SETD7: variants seen among roughly 807,000 people sequenced by gnomAD.
SETD7 encodes SET domain containing 7, histone lysine methyltransferase.
In SETD7, 16 loss-of-function variants were observed where a neutral mutation model predicts 41.8. The observed-to-expected ratio is 0.38, with a 90% CI of 0.26 to 0.58. SETD7 has a LOEUF of 0.58. SETD7 is among the 20% of genes least tolerant of loss of function. SETD7 has a pLI of 0.64. For synonymous variants in SETD7, 163 were observed against 169.7 expected, an observed-to-expected ratio of 0.96 and a Z score of 0.31; for missense variants, 346 against 459.7, an observed-to-expected ratio of 0.75 and a Z score of 2.26.
At chr4:139,515,726 G>C (rs746123564) in intron 7 of SETD7, among the ~76,000 whole-genome samples, 1 of 152,184 alleles carries the variant, frequency 6.6e-6, no homozygotes, top group Non-Finnish European at 1.5e-5. Flanking sequence ...AGAGCAAGTC[G>C]TTGCCAGGAA....
Position 139,546,730 on chromosome 4 carries a change from C to A in SETD7, c.170+190G>T, listed in dbSNP as rs946838381. ...GAGACAGTGATGACAAGAGCTAAGC[C>A]TTAGGCTGGCTGTCCCATAACCACA... On this transcript the variant is annotated intron_variant, in intron 2 of 7. Transcript: ENST00000274031. 5.6e-6 allele frequency: 4 copies of A among 713,936 alleles called. No homozygotes were observed. In the Admixed American group the frequency reaches 1.1e-4, roughly 19 times the overall value. The allele number at this position is 713,936 out of a possible 1,614,324, so 44.2% of individuals were successfully genotyped here. A position where few individuals can be genotyped will look rare whatever the true frequency, so the allele number is the denominator to read the frequency against.
In SETD7 at chr4:139,506,740, T is replaced by TTTTG. The variant is rs2111114659; in HGVS notation, c.*4919_*4922dup. 6.6e-6 allele frequency: 1 copy of TTTTG among 152,630 alleles called. No homozygotes were observed. The highest frequency in any genetic ancestry group is 2.4e-5 in the African/African-American group (1 of 41,544). The allele number at this position is 152,630 out of a possible 1,614,324, so 9.5% of individuals were successfully genotyped here. A position where few individuals can be genotyped will look rare whatever the true frequency, so the allele number is the denominator to read the frequency against. On this transcript the variant is annotated 3_prime_UTR_variant, in exon 8 of 8. Transcript: ENST00000274031. ...AAGTTGAATATCATCATAAAGGAGT[T>TTTTG]TTTGTTTGTTTGTTTTTTCAATAAC...
intron 7 of SETD7, among the ~76,000 whole-genome samples, chr4:139,515,824 T>A (rs915099157): frequency 6.6e-6 from 1 of 152,192 alleles, no homozygotes; most frequent in Non-Finnish European, 1.5e-5. Flanking sequence ...TAAATGCACA[T>A]GATCTGATTT....
intron 7 of SETD7, 105 bp from the exon 8 acceptor site, chr4:139,511,948 G>C (rs922955188): frequency 1.8e-5 from 27 of 1,478,696 alleles, no homozygotes; most frequent in Admixed American, 2.5e-5. Flanking sequence ...ACTCTTCCCT[G>C]GGCACACCTG....
intron 7 of SETD7, among the ~76,000 whole-genome samples, chr4:139,513,188 G>A (rs1051640169): frequency 2.6e-5 from 4 of 151,940 alleles, no homozygotes; most frequent in African/African-American, 7.2e-5. Flanking sequence ...GGGAGGCTGA[G>A]GGGGGTGGAT....
chr4:139,511,438 C>T lies in SETD7; in HGVS notation c.*225G>A, dbSNP rs889244144. On this transcript the variant is annotated 3_prime_UTR_variant, in exon 8 of 8. Transcript: ENST00000274031. Reference sequence around the variant, plus strand: ...ATCACGCTGTCTTATGTCAAATGCTCGACAATACCTCTCAGTAGGACGTTG... The same window carrying T: ...ATCACGCTGTCTTATGTCAAATGCTTGACAATACCTCTCAGTAGGACGTTG... The T allele has an allele frequency of 4.2e-5, 27 of 645,146 alleles. No homozygotes were observed. Among genetic ancestry groups the T allele is most frequent in the South Asian group, 4.1e-4 (18 of 43,912 alleles). The allele number at this position is 645,146 out of a possible 1,614,324, so 40.0% of individuals were successfully genotyped here. A position where few individuals can be genotyped will look rare whatever the true frequency, so the allele number is the denominator to read the frequency against.
chr4:139,521,159 C>A (rs1727170799), intron 5 of SETD7, among the ~76,000 whole-genome samples: 1 of 152,200 alleles, frequency 6.6e-6, no homozygotes, highest in Non-Finnish European at 1.5e-5. Context: ...GGCGTGGTAG[C>A]TGATGCCTGT....
intron 2 of SETD7, 176 bp downstream of exon 2, chr4:139,546,744 C>A (rs1170575591): frequency 1.3e-6 from 1 of 783,696 alleles, no homozygotes; most frequent in Non-Finnish European, 2.1e-6. Flanking sequence ...GGCTGGCTGT[C>A]CCATAACCAC....
At position 139,530,164 on chromosome 4, in the gene SETD7, T is replaced by TC. The variant is rs542294544; in HGVS notation, c.373-945_373-944insG. On this transcript the variant is annotated intron_variant, in intron 3 of 7. Coordinates refer to ENST00000274031, the MANE Select transcript of SETD7 (RefSeq NM_030648.4). ...AGAGATGTTTCTTTCTTTCTTTCTT[T>TC]TTTTTTTCCATCCAGAAGGTCCTCA... 1.6e-3 allele frequency among the ~76,000 whole-genome samples: 236 copies of TC among 152,240 alleles called. 1 individual carries two copies. The highest frequency in any genetic ancestry group is 3.4e-3 in the Middle Eastern group (1 of 294).
downstream of SETD7, among the ~76,000 whole-genome samples, chr4:139,501,050 A>T (rs537141778): frequency 6.6e-4 from 100 of 151,940 alleles, no homozygotes; most frequent in African/African-American, 2.4e-3. Flanking sequence ...ACTTTCCCCC[A>T]CAAAAAAATA....
intron 4 of SETD7, among the ~76,000 whole-genome samples, chr4:139,525,756 T>A (rs895974666): frequency 1.3e-5 from 2 of 152,180 alleles, no homozygotes; most frequent in African/African-American, 4.8e-5. Flanking sequence ...CACAGGACCC[T>A]GTACCCCCTA....
rs1727149729 is a variant in SETD7 at position 139,520,535 on chromosome 4, G to C, written c.645-141C>G. The C allele has an allele frequency of 6.0e-6, 3 of 500,238 alleles. No homozygotes were observed. The East Asian group carries it at 9.5e-5, about 16-fold the overall frequency. The allele number at this position is 500,238 out of a possible 1,614,324, so 31.0% of individuals were successfully genotyped here. A position where few individuals can be genotyped will look rare whatever the true frequency, so the allele number is the denominator to read the frequency against. ...CTAAGAAGGGAGGGAGGAAGAAAAA[G>C]TTAAACCACAATATTTTGGCATTGG... On this transcript the variant is annotated intron_variant, in intron 5 of 7. Coordinates refer to ENST00000274031, the MANE Select transcript of SETD7 (RefSeq NM_030648.4).
At chr4:139,520,608 A>T (rs2111134475) in intron 5 of SETD7, among the ~76,000 whole-genome samples, 1 of 152,344 alleles carries the variant, frequency 6.6e-6, no homozygotes. Context: ...GGTGTTTAAA[A>T]TTTGCTTTCT....
intron 4 of SETD7, among the ~76,000 whole-genome samples, chr4:139,523,933 T>G (rs1727248547): frequency 6.6e-6 from 1 of 152,204 alleles, no homozygotes; most frequent in Admixed American, 6.5e-5. Flanking sequence ...CAAAGTAATC[T>G]CCTTTCTATT....
intron 4 of SETD7, among the ~76,000 whole-genome samples, 195 bp downstream of exon 4, chr4:139,528,836 C>G (rs1727401666): frequency 6.6e-6 from 1 of 152,196 alleles, no homozygotes; most frequent in Non-Finnish European, 1.5e-5. Flanking sequence ...AGCTGGAGTA[C>G]AGCTGCTCGG....
chr4:139,556,077 G>A lies in SETD7; in HGVS notation c.40+21C>T, dbSNP rs368037495. The A allele has an allele frequency of 5.7e-6, 9 of 1,586,088 alleles. No homozygotes were observed. In the East Asian group the frequency reaches 7.2e-5, roughly 13 times the overall value. ...CAGGCCCTCTGCGCCTCCTCCCCCG[G>A]CCCCGGAGAAATGCTTGTACCTTCC... is the stretch of plus-strand genomic sequence containing the variant. On this transcript the variant is annotated intron_variant, in intron 1 of 7. Coordinates refer to ENST00000274031, the MANE Select transcript of SETD7 (RefSeq NM_030648.4).
At chr4:139,514,479 TA>T (rs1217496584) in intron 7 of SETD7, among the ~76,000 whole-genome samples, 1 of 152,056 alleles carries the variant, frequency 6.6e-6, no homozygotes, top group Non-Finnish European at 1.5e-5. Context: ...AGAGTGTAGA[TA>T]AGGGACAGAC....
At chr4:139,527,093 T>C (rs183262276) in intron 4 of SETD7, among the ~76,000 whole-genome samples, 18 of 152,352 alleles carry the variant, frequency 1.2e-4, no homozygotes, top group African/African-American at 4.1e-4. Context: ...CTAGATGGTA[T>C]AGCCAACTAC....
chr4:139,528,922 C>G, intron 4 of SETD7, 109 bp downstream of exon 4: 1 of 973,998 alleles, frequency 1.0e-6, no homozygotes, highest in Non-Finnish European at 1.6e-6. Context: ...CTAATAAACA[C>G]GATTAAAGAG....
Sources: gnomAD v4.1 joint callset for allele counts (sites outside exome capture counted in the v4.1 genomes callset) on GRCh38, gnomAD v4.1.1 for gene constraint, MANE v1.5 for transcripts, NCBI Gene and HGNC (gene_info 2026-07-23, HGNC 2026-07-21) for gene names.